SEC24C: variants seen among roughly 807,000 people sequenced by gnomAD.
SEC24C encodes SEC24 homolog C, COPII component.
Under a neutral mutation model 117.0 loss-of-function variants are expected in SEC24C, and 22 were observed. The ratio of observed to expected loss-of-function variants is 0.19; its 90% CI spans 0.13 to 0.27. The LOEUF (loss-of-function observed/expected upper bound fraction) is 0.27, where lower values mean the gene tolerates loss of function less well. Ranked by LOEUF, SEC24C falls within the 10% of genes least tolerant of loss-of-function variation. The pLI is 1.00. For synonymous variants in SEC24C, 506 were observed against 529.4 expected, an observed-to-expected ratio of 0.96 and a Z score of 0.61; for missense variants, 1,155 against 1,375.1, an observed-to-expected ratio of 0.84 and a Z score of 2.53.
rs2082808500 is a variant in SEC24C at position 73,762,231 on chromosome 10, T to A, written c.988-1259T>A. On this transcript the variant is annotated intron_variant, in intron 6 of 22. Coordinates refer to ENST00000345254, the MANE Select transcript of SEC24C (RefSeq NM_198597.3). Reference sequence around the variant, plus strand: ...TGTTAGTGCCATCCATGCATGCCTGTGACCTCATCTTCACCTCATCTACCA... The same window carrying A: ...TGTTAGTGCCATCCATGCATGCCTGAGACCTCATCTTCACCTCATCTACCA... The A allele has an allele frequency of 8.2e-6, 9 of 1,095,042 alleles. No homozygotes were observed. The South Asian group carries it at 1.2e-4, about 14-fold the overall frequency. The allele number at this position is 1,095,042 out of a possible 1,614,324, so 67.8% of individuals were successfully genotyped here.
In SEC24C at chr10:73,769,478, C is replaced by T. The variant is rs1424760413; in HGVS notation, c.2556C>T (p.Ala852=). ...CETDTLINYM[A]KFAYRGVLNS... is the part of the protein sequence containing the mutation. ...CTGACACGCTCATCAACTACATGGC[C>T]AAGTTTGGTGAGGGTAGAAGCAGGG... Residue 852 remains alanine (A), a synonymous_variant, in exon 18 of 23, where the codon GCC becomes GCT. Coordinates refer to ENST00000345254, the MANE Select transcript of SEC24C (RefSeq NM_198597.3). The surrounding 1 kb of genome is among the most constrained non-coding windows in gnomAD (Gnocchi z 4.5). The T allele has an allele frequency of 9.9e-6, 16 of 1,614,120 alleles. No individual in the cohort carries two copies. Among genetic ancestry groups the T allele is most frequent in the Non-Finnish European group, 1.2e-5 (14 of 1,180,012 alleles).
At chr10:73,770,529 G>C (rs771184112) in intron 21 of SEC24C, 58 bp downstream of exon 21, 1 of 1,587,466 alleles carries the variant, frequency 6.3e-7, no homozygotes, top group Non-Finnish European at 8.6e-7. Context: ...TGAAACAATT[G>C]GGAGCCAATA....
intron 3 of SEC24C, among the ~76,000 whole-genome samples, chr10:73,754,357 G>A (rs2082682205): frequency 6.6e-6 from 1 of 152,190 alleles, no homozygotes; most frequent in Non-Finnish European, 1.5e-5. Flanking sequence ...AGAGGTTGCA[G>A]TGAGCCAAGA....
At chr10:73,764,852 G>C (rs2082856519) in intron 8 of SEC24C, among the ~76,000 whole-genome samples, 2 of 152,164 alleles carry the variant, frequency 1.3e-5, no homozygotes, top group Non-Finnish European at 2.9e-5. Context: ...CTTACGATAG[G>C]GTTCTCTGTT....
At chr10:73,745,068 A>C (rs142541309) in intron 1 of SEC24C, among the ~76,000 whole-genome samples, 31 of 152,290 alleles carry the variant, frequency 2.0e-4, no homozygotes, top group African/African-American at 7.2e-4. Context: ...TTAGACCAGG[A>C]TCAGCTCCTT....
In SEC24C at chr10:73,767,037, CCTCT is replaced by C. The variant is rs1158368143; in HGVS notation, c.1894-14_1894-11del. On this transcript the variant is annotated splice_polypyrimidine_tract_variant and intron_variant, in intron 13 of 22. Coordinates refer to ENST00000345254, the MANE Select transcript of SEC24C (RefSeq NM_198597.3). ...GATGAATAAAGAATAAACAAGTAGT[CCTCT>C]CTTTTTTCCTAGGCTGCTGAGTGTG... 2 of 1,581,786 alleles carry C rather than the reference CCTCT, an allele frequency of 1.3e-6. No homozygotes were observed. Among genetic ancestry groups the C allele is most frequent in the African/African-American group, 1.3e-5 (1 of 74,168 alleles).
intron 3 of SEC24C, among the ~76,000 whole-genome samples, chr10:73,756,173 A>G (rs994136672): frequency 6.6e-6 from 1 of 152,182 alleles, no homozygotes; most frequent in Non-Finnish European, 1.5e-5. Flanking sequence ...ACTGAAAATC[A>G]GAGTGGTAAA....
intron 1 of SEC24C, among the ~76,000 whole-genome samples, chr10:73,745,819 G>A (rs1174361297): frequency 1.3e-5 from 2 of 151,932 alleles, no homozygotes; most frequent in Admixed American, 6.5e-5. Flanking sequence ...CAAAGTGCTG[G>A]GATTACAGGC....
At chr10:73,760,970 G>T (rs2082788537) in intron 6 of SEC24C, 121 bp downstream of exon 6, 3 of 1,158,616 alleles carry the variant, frequency 2.6e-6, no homozygotes, top group Admixed American at 2.7e-5. Flanking sequence ...CATCTTCTTG[G>T]AGAACTTACA....
chr10:73,748,673 G>A (rs2082598145), intron 2 of SEC24C, among the ~76,000 whole-genome samples: 1 of 151,934 alleles, frequency 6.6e-6, no homozygotes, highest in Non-Finnish European at 1.5e-5. Context: ...CTGGCCTCAG[G>A]TGATCCACCC....
chr10:73,770,904 A>C lies in SEC24C; in HGVS notation c.3145-51A>C, dbSNP rs768325582. On this transcript the variant is annotated intron_variant, in intron 22 of 22. Transcript: ENST00000345254. Reference sequence around the variant, plus strand: ...TGACTGCCTAATGAGATTTCTGGGCATGTTTAATTTCCTTTGGCCTTGCCT... The same window carrying C: ...TGACTGCCTAATGAGATTTCTGGGCCTGTTTAATTTCCTTTGGCCTTGCCT... 2.5e-6 allele frequency: 4 copies of C among 1,613,702 alleles called. No homozygotes were observed. In the Admixed American group the frequency reaches 6.7e-5, roughly 27 times the overall value.
rs1221647073 is a variant in SEC24C at position 73,769,838 on chromosome 10, G to A, written c.2685G>A (p.Leu895=). ...NCASPSSAGQ[L]ILPECMKLLP... is the part of the protein sequence containing the mutation. ...CTTTATTTTGATAATCCCCTCAGTT[G>A]ATCCTTCCTGAGTGCATGAAGCTAC... is the stretch of plus-strand genomic sequence containing the variant. The change falls in exon 20 of 23, where the codon TTG becomes TTA. Residue 895 remains leucine, a splice_region_variant and synonymous_variant. Coordinates refer to ENST00000345254, the MANE Select transcript of SEC24C (RefSeq NM_198597.3). This position sits in a 1 kb window ranked among gnomAD's most constrained non-coding sequence, Gnocchi z 4.5. The A allele has an allele frequency of 4.3e-6, 7 of 1,613,990 alleles. No individual in the cohort carries two copies. The highest frequency in any genetic ancestry group is 5.1e-6 in the Non-Finnish European group (6 of 1,179,906).
At chr10:73,747,723 G>C (rs189330782) in intron 2 of SEC24C, among the ~76,000 whole-genome samples, 1 of 145,524 alleles carries the variant, frequency 6.9e-6, no homozygotes, top group Admixed American at 7.0e-5. Flanking sequence ...GCAGTGGCAC[G>C]ATCTCGGCTC....
intron 14 of SEC24C, 47 bp from the exon 15 acceptor site, chr10:73,767,790 G>A: frequency 6.8e-7 from 1 of 1,473,726 alleles, no homozygotes; most frequent in African/African-American, 1.4e-5. Flanking sequence ...ATAGGGCGGA[G>A]CTGAGATATT....
At position 73,772,031 on chromosome 10, in the gene SEC24C, G is replaced by A. The variant is rs1421293226; in HGVS notation, c.*936G>A. The stretch of plus-strand genomic sequence containing the variant: ...TGGCTTGGGGGCAGGACAAGGGCTA[G>A]GCTTGATGGTGGCCAGGCTTGCCTG... On this transcript the variant is annotated 3_prime_UTR_variant, in exon 23 of 23. Coordinates refer to ENST00000345254, the MANE Select transcript of SEC24C (RefSeq NM_198597.3). 3.1e-6 allele frequency: 1 copy of A among 326,466 alleles called. No homozygotes were observed. Among genetic ancestry groups the A allele is most frequent in the Non-Finnish European group, 5.6e-6 (1 of 179,340 alleles). The allele number at this position is 326,466 out of a possible 1,614,324, so 20.2% of individuals were successfully genotyped here. A position where few individuals can be genotyped will look rare whatever the true frequency, so the allele number is the denominator to read the frequency against.
At position 73,769,712 on chromosome 10, in the gene SEC24C, T is replaced by A. The variant is rs770413895; in HGVS notation, c.2661T>A (p.Ala887=). 6.2e-7 allele frequency: 1 copy of A among 1,614,216 alleles called. No individual in the cohort carries two copies. The highest frequency in any genetic ancestry group is 1.1e-5 in the South Asian group (1 of 91,088). The change falls in exon 19 of 23, where the codon GCT becomes GCA. Residue 887 remains alanine, a synonymous_variant. Coordinates refer to ENST00000345254, the MANE Select transcript of SEC24C (RefSeq NM_198597.3). The surrounding 1 kb of genome is among the most constrained non-coding windows in gnomAD (Gnocchi z 4.5). ...QILACYRKNC[A]SPSSAGQLIL... ...TGGCCTGTTACAGAAAGAACTGTGC[T>A]AGCCCCTCCTCTGCAGGACAGGTGG...
intron 1 of SEC24C, among the ~76,000 whole-genome samples, chr10:73,745,012 G>A (rs964878916): frequency 1.3e-5 from 2 of 152,098 alleles, no homozygotes; most frequent in African/African-American, 2.4e-5. Context: ...GTAAGGTTTA[G>A]GGTTTGGAAG....
chr10:73,763,652 A>C, intron 7 of SEC24C, 51 bp downstream of exon 7: 1 of 463,308 alleles, frequency 2.2e-6, no homozygotes, highest in Non-Finnish European at 3.8e-6. Flanking sequence ...CAAGATTATC[A>C]GCTTATGGTT....
intron 2 of SEC24C, among the ~76,000 whole-genome samples, chr10:73,748,099 C>T (rs575930203): frequency 2.2e-4 from 33 of 151,496 alleles, no homozygotes; most frequent in Non-Finnish European, 3.4e-4. Flanking sequence ...CCGGCCCCTT[C>T]CCTGTTTTTT....
Sources: gnomAD v4.1 joint callset for allele counts (sites outside exome capture counted in the v4.1 genomes callset) on GRCh38, gnomAD v4.1.1 for gene constraint, Gnocchi (gnomAD v3.1) non-coding constraint, MANE v1.5 for transcripts, NCBI Gene and HGNC (gene_info 2026-07-23, HGNC 2026-07-21) for gene names.